Variants in CYP3A4 observed in about 807,000 individuals in gnomAD.
CYP3A4 encodes the protein cytochrome P450 family 3 subfamily A member 4.
A neutral mutation model predicts 54.9 loss-of-function variants in CYP3A4; 41 were observed. That is an observed-to-expected ratio of 0.75 (90% CI 0.58 to 0.97). The LOEUF (loss-of-function observed/expected upper bound fraction) is 0.97. Among genes scored for constraint, CYP3A4 ranks in the 50% least tolerant of loss-of-function variants. The pLI is 0.00. For synonymous variants in CYP3A4, 179 were observed against 205.2 expected, an observed-to-expected ratio of 0.87 and a Z score of 1.09; for missense variants, 510 against 597.3, an observed-to-expected ratio of 0.85 and a Z score of 1.52.
chr7:99,777,171 G>A (rs1050335835), intron 3 of CYP3A4, among the ~76,000 whole-genome samples: 16 of 152,140 alleles, frequency 1.1e-4, no homozygotes, highest in African/African-American at 3.1e-4. Flanking sequence ...GTGAATTGAT[G>A]TGGGAAGGAG....
chr7:99,778,753 T>G (rs1268010879), intron 2 of CYP3A4, among the ~76,000 whole-genome samples: 3 of 152,158 alleles, frequency 2.0e-5, no homozygotes, highest in Non-Finnish European at 4.4e-5. Flanking sequence ...CACTGAAACT[T>G]AAAAACAAAC....
chr7:99,768,206 A>G (rs1267148945), intron 7 of CYP3A4, 148 bp downstream of exon 7: 2 of 1,006,520 alleles, frequency 2.0e-6, no homozygotes, highest in Non-Finnish European at 1.4e-6. Flanking sequence ...AAAGTTTAAA[A>G]TGATGATGGT....
chr7:99,764,083 G>C (rs1302282983), intron 9 of CYP3A4, 68 bp from the exon 10 acceptor site: 9 of 1,604,616 alleles, frequency 5.6e-6, no homozygotes, highest in Middle Eastern at 1.7e-4. Context: ...TAGATGAAGA[G>C]AAATCTAAGT....
rs11432957 is a variant in CYP3A4 at position 99,783,606 on chromosome 7, C to CTTTT, written c.71+401_71+404dup. On this transcript the variant is annotated intron_variant, in intron 1 of 12. Coordinates refer to ENST00000651514, the MANE Select transcript of CYP3A4 (RefSeq NM_017460.6). ...ACTTAAGCTACTGCTCCTTGAACAT[C>CTTTT]TTTTTTTTTTTTTTTTTTTTTTGAG... Among the ~76,000 whole-genome samples the CTTTT allele has an allele frequency of 2.9e-3, 299 of 103,802 alleles. 3 individuals carry two copies. Among genetic ancestry groups the CTTTT allele is most frequent in the Middle Eastern group, 7.2e-3 (1 of 138 alleles). The allele number at this position is 103,802 out of a possible 152,430, so 68.1% of individuals were successfully genotyped here. A position where few individuals can be genotyped will look rare whatever the true frequency, so the allele number is the denominator to read the frequency against.
At position 99,780,001 on chromosome 7, in the gene CYP3A4, G is replaced by A. The variant is rs754473590; in HGVS notation, c.156C>T (p.Ser52=). Residue 52 remains serine, a synonymous_variant, in exon 2 of 13, where the codon TCC becomes TCT. Transcript: ENST00000651514. ...GCTCAAAAACACTCACCTTATGGTA[G>A]GACAAAATATTTCCCAAAAAAGGCA... ...TPLPFLGNIL[S]YHKGFCMFDM... is the part of the protein sequence containing the mutation. 5.6e-6 allele frequency: 9 copies of A among 1,612,972 alleles called. No individual in the cohort carries two copies. Among genetic ancestry groups the A allele is most frequent in the Non-Finnish European group, 6.8e-6 (8 of 1,179,272 alleles).
In CYP3A4 at chr7:99,767,298, T is replaced by C. The variant is rs56997749; in HGVS notation, c.671-40A>G. The C allele has an allele frequency of 1.4e-5, 22 of 1,540,040 alleles. No individual in the cohort carries two copies. In the East Asian group the frequency reaches 3.0e-4, roughly 21 times the overall value. On this transcript the variant is annotated intron_variant, in intron 7 of 12. Coordinates refer to ENST00000651514, the MANE Select transcript of CYP3A4 (RefSeq NM_017460.6). ...AAACAAAAACAGAAAAAGAAATTCA[T>C]TGTGAATGTGCAAAATTTACCTGGA...
Position 99,780,065 on chromosome 7 carries a change from C to T in CYP3A4, c.92G>A (p.Gly31Glu), listed in dbSNP as rs758735253. 4 of 1,613,454 alleles carry T rather than the reference C, an allele frequency of 2.5e-6. No individual in the cohort carries two copies. In the South Asian group the frequency reaches 3.3e-5, roughly 13 times the overall value. ...TGGAATTCCAAGCTTCTTAAAAAGTCCATGTGAATGGGTTCCATATCTACA... is the reference window on the plus strand; with the variant it reads ...TGGAATTCCAAGCTTCTTAAAAAGTTCATGTGAATGGGTTCCATATCTACA... ...LLYLYGTHSHGLFKKLGIPGP... is the reference protein window; with the variant it reads ...LLYLYGTHSHELFKKLGIPGP... The change falls in exon 2 of 13, where the codon GGA becomes GAA. Residue 31 changes from glycine (G) to glutamate (E), a missense_variant. Gly to Glu is a moderately conservative substitution (Grantham distance 98). Around this residue, in one of 2 missense-constraint regions of CYP3A4, gnomAD observed 272 missense variants for 274.9 expected, o/e 0.99. Coordinates refer to ENST00000651514, the MANE Select transcript of CYP3A4 (RefSeq NM_017460.6).
At chr7:99,768,851 G>A (rs369544245) in intron 6 of CYP3A4, among the ~76,000 whole-genome samples, 23 of 152,268 alleles carry the variant, frequency 1.5e-4, no homozygotes, top group African/African-American at 5.3e-4. Context: ...CAGAACAAGA[G>A]TAGAATAATT....
In CYP3A4 at chr7:99,764,561, A is replaced by G. The variant is rs560865526; in HGVS notation, c.866-546T>C. Among the ~76,000 whole-genome samples, 18 of 152,334 alleles carry G rather than the reference A, an allele frequency of 1.2e-4. No homozygotes were observed. The South Asian group carries it at 2.3e-3, about 19-fold the overall frequency. Reference sequence around the variant, plus strand: ...TCTACAGACCACTTCTTGGTATTCAAAGTGTGGTCCATGGGTCAGAAGCAT... The same window carrying G: ...TCTACAGACCACTTCTTGGTATTCAGAGTGTGGTCCATGGGTCAGAAGCAT... On this transcript the variant is annotated intron_variant, in intron 9 of 12. Transcript: ENST00000651514.
rs141749477 is a variant in CYP3A4 at position 99,758,229 on chromosome 7, C to G, written c.1417-1G>C. ...CTCCTAAGCTTAATTTCAGGGGGAT[C>G]TGCAACAGTTAAACAAGCATATTGA... On this transcript the variant is annotated splice_acceptor_variant, in intron 12 of 12. Coordinates refer to ENST00000651514, the MANE Select transcript of CYP3A4 (RefSeq NM_017460.6). LOFTEE classifies it high-confidence loss of function. 1 of 1,613,424 alleles carries G rather than the reference C, an allele frequency of 6.2e-7. No homozygotes were observed.
chr7:99,776,856 A>T (rs987089039), intron 3 of CYP3A4, among the ~76,000 whole-genome samples: 1 of 152,190 alleles, frequency 6.6e-6, no homozygotes. Context: ...AAAACTAAAA[A>T]TAAAAAATAA....
intron 9 of CYP3A4, 40 bp from the exon 10 acceptor site, chr7:99,764,055 A>G (rs1254473796): frequency 1.2e-6 from 2 of 1,612,918 alleles, no homozygotes; most frequent in South Asian, 1.1e-5. Context: ...AATCAGATCA[A>G]TGTAGGGCAT....
chr7:99,779,667 T>C (rs34186330), intron 2 of CYP3A4, among the ~76,000 whole-genome samples: 36 of 146,056 alleles, frequency 2.5e-4, no homozygotes, highest in African/African-American at 1.0e-3. Flanking sequence ...ACTAACTAAG[T>C]ATGACTGTAC....
At chr7:99,770,711 A>C (rs1584545426) in intron 4 of CYP3A4, among the ~76,000 whole-genome samples, 1 of 152,214 alleles carries the variant, frequency 6.6e-6, no homozygotes, top group East Asian at 1.9e-4. Context: ...TGGTTTTAAA[A>C]AAAATAGTAG....
chr7:99,759,108 G>A (rs1815252760), intron 12 of CYP3A4, among the ~76,000 whole-genome samples: 1 of 152,164 alleles, frequency 6.6e-6, no homozygotes, highest in Admixed American at 6.5e-5. Context: ...CCCTGTCTGG[G>A]CACATATAAT....
intron 1 of CYP3A4, among the ~76,000 whole-genome samples, chr7:99,783,136 G>A (rs1342358451): frequency 6.6e-6 from 1 of 152,122 alleles, no homozygotes; most frequent in Non-Finnish European, 1.5e-5. Context: ...TTAAAATGAG[G>A]TTTATATTTT....
intron 12 of CYP3A4, among the ~76,000 whole-genome samples, chr7:99,760,067 C>A (rs1264386737): frequency 6.6e-6 from 1 of 152,102 alleles, no homozygotes; most frequent in Non-Finnish European, 1.5e-5. Flanking sequence ...GATCTCCTGA[C>A]CTCATGATCC....
chr7:99,761,376 T>G (rs1313493647), intron 11 of CYP3A4, among the ~76,000 whole-genome samples: 1 of 152,052 alleles, frequency 6.6e-6, no homozygotes, highest in Non-Finnish European at 1.5e-5. Flanking sequence ...GAAGGGGAAA[T>G]TGTCTTGTAC....
At chr7:99,780,130 T>C (rs1355260440) in intron 1 of CYP3A4, 45 bp from the exon 2 acceptor site, 1 of 1,580,630 alleles carries the variant, frequency 6.3e-7, no homozygotes, top group Non-Finnish European at 8.7e-7. Context: ...TGTGACTTTA[T>C]AGATATAGGG....
Sources: gnomAD v4.1 joint callset for allele counts (sites outside exome capture counted in the v4.1 genomes callset) on GRCh38, gnomAD v4.1.1 for gene constraint, gnomAD v4.1.1 regional missense constraint, MANE v1.5 for transcripts, NCBI Gene and HGNC (gene_info 2026-07-23, HGNC 2026-07-21) for gene names.